Variants in BFSP1 observed in about 807,000 individuals in gnomAD.
The protein encoded by BFSP1 is filensin.
A neutral mutation model predicts 43.9 loss-of-function variants in BFSP1; 38 were observed. That is an observed-to-expected ratio of 0.87 (90% confidence interval 0.67 to 1.14). The LOEUF (loss-of-function observed/expected upper bound fraction) is 1.14, where lower values mean the gene tolerates loss of function less well. Among genes scored for constraint, BFSP1 ranks in the 50% most tolerant of loss-of-function variants. BFSP1 has a pLI of 0.00. For synonymous variants in BFSP1, 352 were observed against 354.8 expected, an observed-to-expected ratio of 0.99 and a Z score of 0.09; for missense variants, 850 against 875.1, an observed-to-expected ratio of 0.97 and a Z score of 0.36.
chr20:17,497,948 T>C (rs1474902401), intron 6 of BFSP1, among the ~76,000 whole-genome samples: 6 of 152,164 alleles, frequency 3.9e-5, no homozygotes, highest in Non-Finnish European at 8.8e-5. Context: ...TTCTTGCAGA[T>C]GTGTGCATAG....
upstream of BFSP1, among the ~76,000 whole-genome samples, chr20:17,533,790 C>A (rs2034587155): frequency 6.6e-6 from 1 of 152,192 alleles, no homozygotes; most frequent in South Asian, 2.1e-4. Context: ...AAAATATATT[C>A]TAGAAACATA....
At chr20:17,566,988 G>A (rs912952955) in intron 1 of BFSP1, among the ~76,000 whole-genome samples, 8 of 152,082 alleles carry the variant, frequency 5.3e-5, no homozygotes, top group Non-Finnish European at 1.0e-4. Context: ...TCCTATTAAA[G>A]GGGGCTCTGC....
upstream of BFSP1, among the ~76,000 whole-genome samples, chr20:17,561,574 G>A (rs78109578): frequency 1.3e-3 from 191 of 152,252 alleles, no homozygotes; most frequent in African/African-American, 4.2e-3. Context: ...AGGATATAGT[G>A]CTGAATGAAT....
chr20:17,498,803 G>A lies in BFSP1; in HGVS notation c.956+17C>T. The A allele has an allele frequency of 1.4e-5, 22 of 1,609,650 alleles. No individual in the cohort carries two copies. The highest frequency in any genetic ancestry group is 1.8e-5 in the Non-Finnish European group (21 of 1,178,504). ...TGGAAGGAATAAGTGGCCTGGATGG[G>A]GAGGGCACACGCTCACCTGTTGCCT... On this transcript the variant is annotated intron_variant, in intron 6 of 7. Transcript: ENST00000377873.
Position 17,505,248 on chromosome 20 carries a change from T to C in BFSP1, c.735+3641A>G, listed in dbSNP as rs181481747. Among the ~76,000 whole-genome samples, 623 of 152,262 alleles carry C rather than the reference T, an allele frequency of 4.1e-3. 1 individual carries two copies. Among genetic ancestry groups the C allele is most frequent in the African/African-American group, 0.015 (603 of 41,554 alleles). On this transcript the variant is annotated intron_variant, in intron 5 of 7. Coordinates refer to ENST00000377873, the MANE Select transcript of BFSP1 (RefSeq NM_001195.5). ...TCCAAGCCCAGGCACTATTCTCCCA[T>C]CGTCCGCCCAGCGTCTCCCAGACTG...
chr20:17,515,223 G>C (rs1377197249), intron 2 of BFSP1, among the ~76,000 whole-genome samples: 2 of 152,284 alleles, frequency 1.3e-5, no homozygotes, highest in East Asian at 1.9e-4. Context: ...GGTCAATACA[G>C]CCAGGGTTAA....
intron 1 of BFSP1, among the ~76,000 whole-genome samples, chr20:17,553,154 C>T (rs534971316): frequency 2.2e-4 from 33 of 152,084 alleles, no homozygotes; most frequent in African/African-American, 3.9e-4. Context: ...TGTGGGATTC[C>T]GGAAGCCAAG....
chr20:17,558,845 T>A, exon 1 of BFSP1: 1 of 1,142,760 alleles, frequency 8.8e-7, no homozygotes, highest in Non-Finnish European at 1.2e-6. Flanking sequence ...AAGGAGGCTT[T>A]AGAGGTTTGC....
At chr20:17,506,963 A>C (rs1160116191) in intron 5 of BFSP1, 1 of 152,204 alleles carries the variant, frequency 6.6e-6, no homozygotes, top group African/African-American at 2.4e-5. Flanking sequence ...TTTAGAGACG[A>C]GGGCAGCAGG....
At chr20:17,529,269 T>A (rs2123531144) in intron 1 of BFSP1, among the ~76,000 whole-genome samples, 1 of 152,202 alleles carries the variant, frequency 6.6e-6, no homozygotes, top group African/African-American at 2.4e-5. Context: ...AGACACAGGG[T>A]TTCACAATGT....
At chr20:17,538,108 G>A (rs940919810) in intron 1 of BFSP1, among the ~76,000 whole-genome samples, 45 of 150,746 alleles carry the variant, frequency 3.0e-4, no homozygotes, top group African/African-American at 1.1e-3. Flanking sequence ...GTGACAGAAG[G>A]ACACTGTGTC....
At chr20:17,508,216 G>T (rs2033986201) in intron 5 of BFSP1, among the ~76,000 whole-genome samples, 1 of 148,662 alleles carries the variant, frequency 6.7e-6, no homozygotes, top group African/African-American at 2.5e-5. Flanking sequence ...ACCTGCTGTA[G>T]GGTAATGAGA....
chr20:17,563,368 C>G (rs1568722964), upstream of BFSP1, among the ~76,000 whole-genome samples: 1 of 133,938 alleles, frequency 7.5e-6, no homozygotes, highest in Non-Finnish European at 1.6e-5. Flanking sequence ...CTCCCTCCCT[C>G]CCTTCCTACC....
intron 2 of BFSP1, among the ~76,000 whole-genome samples, chr20:17,516,155 C>A (rs893051115): frequency 4.6e-5 from 7 of 152,118 alleles, no homozygotes; most frequent in African/African-American, 1.7e-4. Flanking sequence ...ATGGAGAACT[C>A]CATCTCTACT....
At chr20:17,531,834 T>C (rs1217266078), upstream of BFSP1, among the ~76,000 whole-genome samples, 1 of 152,236 alleles carries the variant, frequency 6.6e-6, no homozygotes, top group African/African-American at 2.4e-5. Context: ...TTTTTTTCTT[T>C]TGGTCTTTTT....
rs947352219 is a variant in BFSP1 at position 17,531,227 on chromosome 20, A to C, written c.103T>G (p.Trp35Gly). 5.1e-6 allele frequency: 7 copies of C among 1,385,256 alleles called. No individual in the cohort carries two copies. Among genetic ancestry groups the C allele is most frequent in the Non-Finnish European group, 6.5e-6 (7 of 1,068,850 alleles). 85.8% of individuals were successfully genotyped at this position (1,385,256 alleles called of 1,614,324 possible). A position where few individuals can be genotyped will look rare whatever the true frequency, so the allele number is the denominator to read the frequency against. Residue 35 changes from tryptophan to glycine, a missense_variant, in exon 1 of 8, where the codon TGG becomes GGG. Trp to Gly is a radical substitution (Grantham distance 184). Transcript: ENST00000377873. The stretch of plus-strand genomic sequence containing the variant: ...GCCGCCAGGCTCGTTGCCCCAGCCC[A>C]GCCCTCGTCGGCCGGGCGCTCGGGC... ...AEPERPADEG[W>G]AGATSLAALQ...
chr20:17,513,566 G>A (rs2034136031), intron 3 of BFSP1, among the ~76,000 whole-genome samples: 1 of 152,188 alleles, frequency 6.6e-6, no homozygotes, highest in South Asian at 2.1e-4. Flanking sequence ...ACCCTGATTG[G>A]AGCAGACAGG....
At position 17,548,796 on chromosome 20, in the gene BFSP1, TTTTG is replaced by T. The variant is rs201553569; in HGVS notation, c.2+9888_2+9891del. On this transcript the variant is annotated intron_variant, in intron 1 of 7. Coordinates refer to the BFSP1 transcript ENST00000377868. ...ACTTATTGTTTTTTGGTGGTGGTAG[TTTTG>T]TTTGTTTGTTTGTTTGTTTGTTTTT... is the stretch of plus-strand genomic sequence containing the variant. Among the ~76,000 whole-genome samples the T allele has an allele frequency of 5.8e-3, 885 of 151,948 alleles. 29 individuals are homozygous for T. The East Asian group carries it at 0.083, about 14-fold the overall frequency.
intron 2 of BFSP1, chr20:17,517,374 ATTTCCTTTTGCG>A (rs1393857416): frequency 1.1e-6 from 1 of 916,360 alleles, no homozygotes; most frequent in Non-Finnish European, 1.8e-6. Flanking sequence ...AAACAAAATC[ATTTCCTTTTGCG>A]TTTCCTCCTG....
Sources: allele counts gnomAD v4.1 joint callset (sites outside exome capture counted in the v4.1 genomes callset), GRCh38; gene constraint gnomAD v4.1.1; transcripts MANE v1.5; gene names NCBI Gene and HGNC (gene_info 2026-07-23, HGNC 2026-07-21).